Variants in CTNNA2 observed in about 807,000 individuals in gnomAD.
The protein encoded by CTNNA2 is catenin alpha 2, also known as catenin alpha-2.
A neutral mutation model predicts 101.0 loss-of-function variants in CTNNA2; 42 were observed. That is an observed-to-expected ratio of 0.42 (90% CI 0.32 to 0.54). The LOEUF is 0.54. CTNNA2 is among the 20% of genes least tolerant of loss of function. CTNNA2 has a pLI of 0.14. For missense variants in CTNNA2, 871 were observed against 1,223.1 expected (o/e 0.71, Z 4.29); for synonymous variants, 450 against 456.4 (o/e 0.99, Z 0.18).
chr2:79,964,593 G>A (rs151301703), intron 7 of CTNNA2, among the ~76,000 whole-genome samples: 6 of 152,090 alleles, frequency 3.9e-5, no homozygotes, highest in African/African-American at 1.2e-4. Context: ...GCCTTATTCC[G>A]TGATTTCCTT....
chr2:79,386,446 C>T (rs1040754227), intron 4 of CTNNA2, among the ~76,000 whole-genome samples: 3 of 152,144 alleles, frequency 2.0e-5, no homozygotes, highest in African/African-American at 4.8e-5. Context: ...TTTGATTATA[C>T]TTTTCCTTCC....
At chr2:80,365,651 A>G (rs1041851175) in intron 7 of CTNNA2, among the ~76,000 whole-genome samples, 4 of 151,924 alleles carry the variant, frequency 2.6e-5, no homozygotes, top group Non-Finnish European at 5.9e-5. Context: ...GCCTGTAGAC[A>G]CTTTTAAAAA....
chr2:79,824,122 C>A (rs186310939), intron 3 of CTNNA2, among the ~76,000 whole-genome samples: 22 of 152,290 alleles, frequency 1.4e-4, no homozygotes, highest in Non-Finnish European at 2.9e-4. Flanking sequence ...GTCTACCGTG[C>A]TTCAACTTTT....
chr2:79,307,248 G>C (rs1049432090), intron 2 of CTNNA2, among the ~76,000 whole-genome samples: 1 of 152,040 alleles, frequency 6.6e-6, no homozygotes, highest in African/African-American at 2.4e-5. Flanking sequence ...GGGAATGTTC[G>C]ACATCCTCCT....
At chr2:79,621,888 T>C (rs1057493573) in intron 1 of CTNNA2, among the ~76,000 whole-genome samples, 1 of 152,154 alleles carries the variant, frequency 6.6e-6, no homozygotes, top group Non-Finnish European at 1.5e-5. Flanking sequence ...AGTATAACCA[T>C]GAGAAAACTC....
chr2:80,462,627 C>CTT lies in CTNNA2; in HGVS notation c.1290+43028_1290+43029dup, dbSNP rs1161384853. Among the ~76,000 whole-genome samples the CTT allele has an allele frequency of 1.4e-3, 160 of 114,300 alleles. 1 individual carries two copies. The highest frequency in any genetic ancestry group is 5.8e-3 in the African/African-American group (156 of 26,884). The allele number at this position is 114,300 out of a possible 152,430, so 75.0% of individuals were successfully genotyped here. On this transcript the variant is annotated intron_variant, in intron 9 of 18. Transcript: ENST00000402739. ...TCTCCCTTCCTTTCCTTCTTTCTTT[C>CTT]TTTCTTTTTTTTTTTTTTTTTTTTT...
At chr2:80,563,685 T>A (rs943942211) in intron 12 of CTNNA2, among the ~76,000 whole-genome samples, 5 of 152,160 alleles carry the variant, frequency 3.3e-5, no homozygotes, top group African/African-American at 9.7e-5. Flanking sequence ...GCTCCTGGTT[T>A]GCCTTTCTGT....
intron 9 of CTNNA2, among the ~76,000 whole-genome samples, chr2:80,477,641 G>A (rs1017409262): frequency 2.0e-5 from 3 of 151,726 alleles, no homozygotes; most frequent in Admixed American, 1.3e-4. Flanking sequence ...ACTTTATCTA[G>A]GATAATGCCC....
intron 3 of CTNNA2, among the ~76,000 whole-genome samples, chr2:79,343,694 C>A (rs1353364770): frequency 6.6e-6 from 1 of 150,832 alleles, no homozygotes; most frequent in Non-Finnish European, 1.5e-5. Flanking sequence ...ATTGACCTAA[C>A]CCTGTAACAA....
At position 80,242,238 on chromosome 2, in the gene CTNNA2, C is replaced by T. The variant is rs963541020; in HGVS notation, c.1057-150973C>T. On this transcript the variant is annotated intron_variant, in intron 7 of 18. Coordinates refer to ENST00000402739, the MANE Select transcript of CTNNA2 (RefSeq NM_001282597.3). The stretch of plus-strand genomic sequence containing the variant: ...AGAATTGAGTGTTTTCTCTCATGGA[C>T]ATTGGATTGAAAGGCTATTGTATCC... Among the ~76,000 whole-genome samples, 18 of 152,124 alleles carry T rather than the reference C, an allele frequency of 1.2e-4. No individual in the cohort carries two copies. In the East Asian group the frequency reaches 3.3e-3, roughly 28 times the overall value.
intron 7 of CTNNA2, among the ~76,000 whole-genome samples, chr2:80,196,780 A>G (rs1706860884): frequency 6.6e-6 from 1 of 152,154 alleles, no homozygotes; most frequent in Non-Finnish European, 1.5e-5. Context: ...TTTGCCAGCC[A>G]CCCCAATACG....
intron 7 of CTNNA2, among the ~76,000 whole-genome samples, chr2:79,949,718 T>C (rs1296810132): frequency 6.6e-6 from 1 of 152,030 alleles, no homozygotes; most frequent in Non-Finnish European, 1.5e-5. Flanking sequence ...TTCGAGGCTG[T>C]AGGGACCCAT....
chr2:80,280,609 A>G (rs965297340), intron 7 of CTNNA2, among the ~76,000 whole-genome samples: 1 of 151,914 alleles, frequency 6.6e-6, no homozygotes, highest in African/African-American at 2.4e-5. Flanking sequence ...ATAATCATCC[A>G]CCCTTATCCA....
rs57937688 is a variant in CTNNA2 at position 79,339,328 on chromosome 2, G to A, written c.-318+26532G>A. 3.0e-3 allele frequency among the ~76,000 whole-genome samples: 462 copies of A among 152,156 alleles called. 2 individuals carry two copies. Among genetic ancestry groups the A allele is most frequent in the African/African-American group, 0.011 (451 of 41,500 alleles). On this transcript the variant is annotated intron_variant, in intron 3 of 21. Coordinates refer to the CTNNA2 transcript ENST00000466387. The stretch of plus-strand genomic sequence containing the variant: ...GTGCTGCCAAGAGATTAAGAGACAT[G>A]AGGACTAAAAGAGTCCCATTAGGTG...
chr2:80,068,433 A>G lies in CTNNA2; in HGVS notation c.1056+158636A>G, dbSNP rs1432510235. On this transcript the variant is annotated intron_variant, in intron 7 of 18. Transcript: ENST00000402739. ...TGCAAATTGCTGAAAATGGAGTTGAATTTCCTTCATCTCTCTTTAACTGGA... is the reference window on the plus strand; with the variant it reads ...TGCAAATTGCTGAAAATGGAGTTGAGTTTCCTTCATCTCTCTTTAACTGGA... Among the ~76,000 whole-genome samples, 5 of 152,270 alleles carry G rather than the reference A, an allele frequency of 3.3e-5. No homozygotes were observed. The East Asian group carries it at 9.7e-4, about 29-fold the overall frequency.
intron 2 of CTNNA2, among the ~76,000 whole-genome samples, chr2:79,720,252 G>A (rs1686392077): frequency 6.6e-6 from 1 of 152,042 alleles, no homozygotes; most frequent in South Asian, 2.1e-4. Flanking sequence ...ATTGGTCAAT[G>A]TGTCTGTTTT....
chr2:80,327,130 T>C (rs1670884425), intron 7 of CTNNA2, among the ~76,000 whole-genome samples: 1 of 152,206 alleles, frequency 6.6e-6, no homozygotes. Context: ...TCTCTGAGTG[T>C]AACTCTGAGG....
intron 3 of CTNNA2, among the ~76,000 whole-genome samples, chr2:79,787,394 G>A (rs1219400215): frequency 7.1e-6 from 1 of 140,636 alleles, no homozygotes; most frequent in African/African-American, 2.9e-5. Context: ...GAAGACACAG[G>A]GAGGAGTAGT....
At chr2:80,276,284 G>A (rs1673893614) in intron 7 of CTNNA2, among the ~76,000 whole-genome samples, 2 of 152,118 alleles carry the variant, frequency 1.3e-5, no homozygotes, top group African/African-American at 4.8e-5. Flanking sequence ...TCCTTCACAA[G>A]AGTGTCCCCA....
Sources: gnomAD v4.1 joint callset for allele counts (sites outside exome capture counted in the v4.1 genomes callset) on GRCh38, gnomAD v4.1.1 for gene constraint, MANE v1.5 for transcripts, NCBI Gene and HGNC (gene_info 2026-07-23, HGNC 2026-07-21) for gene names.